The following PAK1 variants were observed in gnomAD, a reference collection of about 807,000 sequenced individuals.
PAK1 encodes serine/threonine-protein kinase PAK 1.
A neutral mutation model predicts 67.4 loss-of-function variants in PAK1; 29 were observed. The ratio of observed to expected loss-of-function variants is 0.43; its 90% CI spans 0.32 to 0.59. PAK1 has a LOEUF of 0.59. Among genes scored for constraint, PAK1 ranks in the 20% least tolerant of loss-of-function variants. The pLI is 0.07. For synonymous variants in PAK1, 223 were observed against 237.4 expected, an observed-to-expected ratio of 0.94 and a Z score of 0.56; for missense variants, 337 against 670.7, an observed-to-expected ratio of 0.50 and a Z score of 5.50.
chr11:77,395,379 T>C (rs1951700290), intron 1 of PAK1, among the ~76,000 whole-genome samples: 1 of 152,216 alleles, frequency 6.6e-6, no homozygotes, highest in South Asian at 2.1e-4. Context: ...ATCTAGCTCA[T>C]AGTGAACTCA....
At position 77,389,540 on chromosome 11, in the gene PAK1, T is replaced by C. The variant is rs544123850; in HGVS notation, c.190+2791A>G. 9.2e-5 allele frequency among the ~76,000 whole-genome samples: 14 copies of C among 152,336 alleles called. No homozygotes were observed. The East Asian group carries it at 2.7e-3, about 29-fold the overall frequency. ...CTAACACTTGTTATTATCTTTTTTA[T>C]TATAGCCATCCTAGTGAGTGTGAAG... On this transcript the variant is annotated intron_variant, in intron 2 of 14. Transcript: ENST00000356341.
rs770406850 is a variant in PAK1, at chr11:77,458,531, A to G, written c.-22+15021T>C. 2.0e-5 allele frequency among the ~76,000 whole-genome samples: 3 copies of G among 152,198 alleles called. 1 individual carries two copies. The highest frequency in any genetic ancestry group is 4.4e-5 in the Non-Finnish European group (3 of 68,042). ...TGCGTGTGATTCAGGCCATTATCCA[A>G]TATTGCCTTATTTCAACTTCCTAAA... On this transcript the variant is annotated intron_variant, in intron 1 of 14. Coordinates refer to ENST00000356341, the MANE Select transcript of PAK1 (RefSeq NM_002576.5).
the PAK1 span, among the ~76,000 whole-genome samples, chr11:77,485,059 C>T: frequency 6.6e-6 from 1 of 152,092 alleles, no homozygotes; most frequent in Non-Finnish European, 1.5e-5. Flanking sequence ...AAGACCTGCC[C>T]CCATAATTCA....
intron 1 of PAK1, 104 bp from the exon 2 acceptor site, chr11:77,392,645 C>A: frequency 3.6e-6 from 3 of 822,882 alleles, no homozygotes; most frequent in East Asian, 5.5e-5. Context: ...GCCCTTCCTT[C>A]AGGGTCTAGC....
At chr11:77,514,530 G>A in the PAK1 span, among the ~76,000 whole-genome samples, 1 of 152,122 alleles carries the variant, frequency 6.6e-6, no homozygotes, top group Non-Finnish European at 1.5e-5. Context: ...CTGTGCTGGC[G>A]CTCTTCAGGA....
rs899644151 is a variant in PAK1 at position 77,466,514 on chromosome 11, A to C, written c.-22+7038T>G. On this transcript the variant is annotated intron_variant, in intron 1 of 14. Coordinates refer to ENST00000356341, the MANE Select transcript of PAK1 (RefSeq NM_002576.5). The stretch of plus-strand genomic sequence containing the variant: ...GCTACTTGGGAGGCTGAGGCAGGGG[A>C]ATGGCGTGAACCCGGGAGGCAGAGC... Among the ~76,000 whole-genome samples, 8 of 152,120 alleles carry C rather than the reference A, an allele frequency of 5.3e-5. 1 individual carries two copies. In the South Asian group the frequency reaches 1.2e-3, roughly 24 times the overall value.
rs1037914414 is a variant in PAK1 at position 77,322,179 on chromosome 11, G to A, written c.*1095C>T. 3.8e-5 allele frequency: 8 copies of A among 207,890 alleles called. No homozygotes were observed. Among genetic ancestry groups the A allele is most frequent in the Non-Finnish European group, 4.9e-5 (5 of 101,504 alleles). The allele number at this position is 207,890 out of a possible 1,614,324, so 12.9% of individuals were successfully genotyped here. ...AGAACCAAAACCACAAAAATAGCAG[G>A]AGGTAGCAAACATCCCCAACACCCA... On this transcript the variant is annotated 3_prime_UTR_variant, in exon 15 of 15. Coordinates refer to ENST00000356341, the MANE Select transcript of PAK1 (RefSeq NM_002576.5).
chr11:77,491,410 T>G, the PAK1 span, among the ~76,000 whole-genome samples: 6 of 152,184 alleles, frequency 3.9e-5, no homozygotes, highest in African/African-American at 1.4e-4. Context: ...ACACCTGTAA[T>G]CCCAGCAATT....
At chr11:77,345,150 T>A (rs1049604046) in intron 9 of PAK1, among the ~76,000 whole-genome samples, 1 of 152,188 alleles carries the variant, frequency 6.6e-6, no homozygotes, top group African/African-American at 2.4e-5. Flanking sequence ...CAACTTGCTA[T>A]CATGTATAAT....
the PAK1 span, among the ~76,000 whole-genome samples, chr11:77,499,159 A>C: frequency 1.3e-5 from 2 of 151,760 alleles, no homozygotes; most frequent in East Asian, 3.8e-4. Context: ...GAGAAGGATA[A>C]TTTTTAAAGG....
intron 8 of PAK1, among the ~76,000 whole-genome samples, chr11:77,350,880 G>T (rs1179205820): frequency 6.6e-6 from 1 of 151,980 alleles, no homozygotes; most frequent in African/African-American, 2.4e-5. Flanking sequence ...TTATAAAGCT[G>T]GTATCTGTCT....
the PAK1 span, among the ~76,000 whole-genome samples, chr11:77,521,926 G>A: frequency 6.6e-6 from 1 of 152,158 alleles, no homozygotes; most frequent in South Asian, 2.1e-4. Context: ...CGAAAATGTA[G>A]GCAAAAACTT....
Position 77,322,159 on chromosome 11 carries a change from C to A in PAK1, c.*1115G>T. The A allele has an allele frequency of 4.8e-6, 1 of 210,364 alleles. No homozygotes were observed. Among genetic ancestry groups the A allele is most frequent in the Non-Finnish European group, 9.7e-6 (1 of 103,012 alleles). The allele number at this position is 210,364 out of a possible 1,614,324, so 13.0% of individuals were successfully genotyped here. On this transcript the variant is annotated 3_prime_UTR_variant, in exon 15 of 15. Coordinates refer to ENST00000356341, the MANE Select transcript of PAK1 (RefSeq NM_002576.5). Reference sequence around the variant, plus strand: ...AGGGGTCCTACCATAGTGGGAGAACCAAAACCACAAAAATAGCAGGAGGTA... The same window carrying A: ...AGGGGTCCTACCATAGTGGGAGAACAAAAACCACAAAAATAGCAGGAGGTA...
chr11:77,415,792 A>T (rs879651094), intron 1 of PAK1, among the ~76,000 whole-genome samples: 45 of 151,172 alleles, frequency 3.0e-4, no homozygotes, highest in Non-Finnish European at 4.6e-4. Context: ...CTAAACTTAA[A>T]TTTTTTTTTC....
chr11:77,396,225 T>A (rs1391605899), intron 1 of PAK1, among the ~76,000 whole-genome samples: 1 of 152,260 alleles, frequency 6.6e-6, no homozygotes, highest in Non-Finnish European at 1.5e-5. Flanking sequence ...AAATAAGCAT[T>A]GGAATCTAAT....
At chr11:77,407,420 G>A (rs1010787565) in intron 1 of PAK1, among the ~76,000 whole-genome samples, 13 of 152,064 alleles carry the variant, frequency 8.5e-5, no homozygotes, top group Admixed American at 5.2e-4. Flanking sequence ...TGAGTTTTTC[G>A]AGGGCAGAGA....
chr11:77,363,409 A>C (rs772806515), intron 5 of PAK1, among the ~76,000 whole-genome samples: 1 of 152,208 alleles, frequency 6.6e-6, no homozygotes, highest in Non-Finnish European at 1.5e-5. Context: ...CCAAGGATTG[A>C]TACCTGACTA....
At chr11:77,366,684 AAGAC>A (rs748988753) in intron 5 of PAK1, among the ~76,000 whole-genome samples, 8 of 152,342 alleles carry the variant, frequency 5.3e-5, no homozygotes, top group Non-Finnish European at 7.4e-5. Flanking sequence ...CTACAATAAA[AAGAC>A]AGACAACAAC....
intron 5 of PAK1, among the ~76,000 whole-genome samples, chr11:77,366,903 C>T (rs925564158): frequency 2.6e-5 from 4 of 152,186 alleles, no homozygotes; most frequent in East Asian, 1.9e-4. Context: ...ATGTTCATAA[C>T]TGCATTATTC....
Sources: allele counts gnomAD v4.1 joint callset (sites outside exome capture counted in the v4.1 genomes callset), GRCh38; gene constraint gnomAD v4.1.1; transcripts MANE v1.5; gene names NCBI Gene and HGNC (gene_info 2026-07-23, HGNC 2026-07-21).